Variants in LAMA1 observed in about 807,000 individuals in gnomAD.
The protein encoded by LAMA1 is laminin subunit alpha-1.
A neutral mutation model predicts 348.7 loss-of-function variants in LAMA1; 219 were observed. That is an observed-to-expected ratio of 0.63 (90% CI 0.56 to 0.70). LAMA1 has a LOEUF of 0.70. LAMA1 is among the 30% of genes least tolerant of loss of function. The pLI, the probability that LAMA1 is intolerant of heterozygous loss-of-function variation, is 0.00. For synonymous variants in LAMA1, 1,487 were observed against 1,491.0 expected, an observed-to-expected ratio of 1.00 and a Z score of 0.06; for missense variants, 3,744 against 3,888.0, an observed-to-expected ratio of 0.96 and a Z score of 0.99.
chr18:6,980,446 G>A, intron 42 of LAMA1, 75 bp downstream of exon 42: 2 of 1,027,332 alleles, frequency 1.9e-6, no homozygotes, highest in South Asian at 2.5e-5. Flanking sequence ...CTTGAGGCAG[G>A]ACTTCCTTAT....
intron 36 of LAMA1, among the ~76,000 whole-genome samples, chr18:6,990,340 TA>T (rs1387194763): frequency 3.3e-5 from 5 of 151,882 alleles, no homozygotes; most frequent in Non-Finnish European, 7.4e-5. Context: ...CTCAGAAGGG[TA>T]ACGGTGGGAG....
chr18:6,947,107 T>C, intron 61 of LAMA1, 56 bp downstream of exon 61: 2 of 1,610,166 alleles, frequency 1.2e-6, no homozygotes, highest in Non-Finnish European at 1.7e-6. Context: ...TGTTTCTCAA[T>C]TGCTCTGTCT....
intron 19 of LAMA1, among the ~76,000 whole-genome samples, chr18:7,020,374 G>C (rs1474972052): frequency 6.6e-6 from 1 of 152,234 alleles, no homozygotes; most frequent in African/African-American, 2.4e-5. Context: ...AACTATACGC[G>C]CTTGCTTTAG....
intron 1 of LAMA1, among the ~76,000 whole-genome samples, chr18:7,109,989 C>T (rs2058329350): frequency 6.6e-6 from 1 of 152,128 alleles, no homozygotes; most frequent in South Asian, 2.1e-4. Flanking sequence ...CGAGACCATC[C>T]TGGCCAACAT....
At chr18:7,031,879 C>CAAAA (rs141608614) in intron 16 of LAMA1, among the ~76,000 whole-genome samples, 187 bp downstream of exon 16, 2 of 89,644 alleles carry the variant, frequency 2.2e-5, no homozygotes, top group Non-Finnish European at 2.2e-5. Flanking sequence ...TAACTTTTTT[C>CAAAA]AAAAAAAAAA....
Position 7,021,475 on chromosome 18 carries a change from T to A in LAMA1, c.2701+1689A>T, listed in dbSNP as rs1173543346. 3.3e-5 allele frequency among the ~76,000 whole-genome samples: 5 copies of A among 152,274 alleles called. No homozygotes were observed. In the East Asian group the frequency reaches 9.7e-4, roughly 29 times the overall value. On this transcript the variant is annotated intron_variant, in intron 19 of 62. Transcript: ENST00000389658. ...AAATATGTTTGAACTACCTTTTCAA[T>A]TGTAAATTTTCTGTAATCTACATGT...
intron 61 of LAMA1, among the ~76,000 whole-genome samples, chr18:6,946,004 G>A (rs1309680218): frequency 6.6e-6 from 1 of 152,008 alleles, no homozygotes; most frequent in Non-Finnish European, 1.5e-5. Flanking sequence ...GAAGGAGGCG[G>A]TTTTCAAGCA....
At chr18:7,012,433 A>G (rs1470631998) in intron 23 of LAMA1, among the ~76,000 whole-genome samples, 1 of 151,106 alleles carries the variant, frequency 6.6e-6, no homozygotes, top group Non-Finnish European at 1.5e-5. Context: ...TCTCCAGGTG[A>G]TTCTGATGAT....
At chr18:7,046,165 G>T in intron 6 of LAMA1, 113 bp downstream of exon 6, 1 of 662,006 alleles carries the variant, frequency 1.5e-6, no homozygotes, top group Non-Finnish European at 2.6e-6. Context: ...TGTTTTTTTG[G>T]AGCATAATTT....
At position 6,986,082 on chromosome 18, in the gene LAMA1, T is replaced by C. The variant is rs1055321321; in HGVS notation, c.5379+55A>G. 20 of 1,589,562 alleles carry C rather than the reference T, an allele frequency of 1.3e-5. No homozygotes were observed. In the African/African-American group the frequency reaches 1.9e-4, roughly 15 times the overall value. On this transcript the variant is annotated intron_variant, in intron 37 of 62. Transcript: ENST00000389658. ...CAGGGCTCACTTTTAATTGCTTACG[T>C]TGGAGTATTTTGTTACCTGTTCTAA...
chr18:7,018,835 G>C (rs1207366889), intron 19 of LAMA1, among the ~76,000 whole-genome samples: 1 of 152,206 alleles, frequency 6.6e-6, no homozygotes, highest in Non-Finnish European at 1.5e-5. Context: ...AAGAGTGCTG[G>C]ACATGGGACA....
At chr18:7,102,523 G>C (rs1029752503) in intron 1 of LAMA1, among the ~76,000 whole-genome samples, 4 of 152,158 alleles carry the variant, frequency 2.6e-5, no homozygotes, top group African/African-American at 9.7e-5. Flanking sequence ...TTCTTTAAAA[G>C]GAGACTTCAT....
At chr18:6,992,441 C>CTTAGGATA in intron 36 of LAMA1, 120 bp downstream of exon 36, 1 of 1,134,102 alleles carries the variant, frequency 8.8e-7, no homozygotes, top group East Asian at 2.4e-5. Flanking sequence ...CTTCTCCTCT[C>CTTAGGATA]TTAGGATATT....
At chr18:7,091,641 T>A (rs1358436871) in intron 1 of LAMA1, among the ~76,000 whole-genome samples, 1 of 152,248 alleles carries the variant, frequency 6.6e-6, no homozygotes, top group Non-Finnish European at 1.5e-5. Flanking sequence ...TCGCGGGGCA[T>A]GTGCTGAGGA....
chr18:7,041,363 CACT>C (rs1368046895), intron 9 of LAMA1, among the ~76,000 whole-genome samples: 1 of 146,650 alleles, frequency 6.8e-6, no homozygotes, highest in Non-Finnish European at 1.5e-5. Flanking sequence ...ATGTCACCAC[CACT>C]ATCACCATCA....
intron 19 of LAMA1, among the ~76,000 whole-genome samples, chr18:7,021,837 AT>A (rs1311907273): frequency 3.7e-5 from 2 of 54,508 alleles, no homozygotes; most frequent in East Asian, 2.8e-4. Flanking sequence ...TAATATAATA[AT>A]ATATTATATT....
At chr18:6,993,518 C>T (rs2057767357) in intron 35 of LAMA1, 123 bp downstream of exon 35, 4 of 788,354 alleles carry the variant, frequency 5.1e-6, no homozygotes, top group African/African-American at 5.1e-5. Flanking sequence ...CAAACTATTC[C>T]AGCCCCTCTG....
chr18:7,014,091 T>C, intron 22 of LAMA1, 40 bp from the exon 23 acceptor site: 2 of 1,470,806 alleles, frequency 1.4e-6, no homozygotes, highest in African/African-American at 2.8e-5. Context: ...AAAGGCAGAT[T>C]TGATGCTTCC....
rs2057679626 is a variant in LAMA1 at position 6,975,923 on chromosome 18, G to A, written c.6489+14C>T. 2 of 1,613,962 alleles carry A rather than the reference G, an allele frequency of 1.2e-6. No homozygotes were observed. Among genetic ancestry groups the A allele is most frequent in the Non-Finnish European group, 1.7e-6 (2 of 1,180,000 alleles). Reference sequence around the variant, plus strand: ...AAAAGATTCAGTGTCGCTTTCCAAAGGTCCATAACTTACAGCGGTGCTGCT... The same window carrying A: ...AAAAGATTCAGTGTCGCTTTCCAAAAGTCCATAACTTACAGCGGTGCTGCT... On this transcript the variant is annotated intron_variant, in intron 45 of 62. Coordinates refer to ENST00000389658, the MANE Select transcript of LAMA1 (RefSeq NM_005559.4).
Sources: gnomAD v4.1 joint callset for allele counts (sites outside exome capture counted in the v4.1 genomes callset) on GRCh38, gnomAD v4.1.1 for gene constraint, MANE v1.5 for transcripts, NCBI Gene and HGNC (gene_info 2026-07-23, HGNC 2026-07-21) for gene names.